STARD9: variants seen among roughly 807,000 people sequenced by gnomAD.
The protein encoded by STARD9 is stAR-related lipid transfer protein 9.
A neutral mutation model predicts 399.8 loss-of-function variants in STARD9; 346 were observed. The observed-to-expected ratio is 0.87, with a 90% confidence interval of 0.79 to 0.95. The LOEUF is 0.95. Among genes scored for constraint, STARD9 ranks in the 40% least tolerant of loss-of-function variants. The pLI, the probability that STARD9 is intolerant of heterozygous loss-of-function variation, is 0.00. For missense variants in STARD9, 5,832 were observed against 5,667.5 expected (o/e 1.03, Z -0.93); for synonymous variants, 2,203 against 2,143.5 (o/e 1.03, Z -0.77).
intron 7 of STARD9, among the ~76,000 whole-genome samples, chr15:42,648,818 C>A (rs376669081): frequency 1.3e-5 from 2 of 152,072 alleles, no homozygotes; most frequent in African/African-American, 4.8e-5. Context: ...ATTCTTTCCT[C>A]TTCTTTTGGG....
At chr15:42,626,323 C>CTT (rs2059213334) in intron 3 of STARD9, among the ~76,000 whole-genome samples, 3 of 96,902 alleles carry the variant, frequency 3.1e-5, no homozygotes, top group Non-Finnish European at 6.0e-5. Context: ...TCCTCTTCTT[C>CTT]CTCCTCTTCC....
chr15:42,693,993 C>T lies in STARD9; in HGVS notation c.12415C>T (p.His4139Tyr), dbSNP rs1226968293. 3.3e-6 allele frequency: 5 copies of T among 1,515,274 alleles called. No homozygotes were observed. In the African/African-American group the frequency reaches 5.5e-5, roughly 17 times the overall value. 93.9% of individuals were successfully genotyped at this position (1,515,274 alleles called of 1,614,324 possible). The change falls in exon 23 of 33, where the codon CAT becomes TAT. Residue 4139 changes from histidine (H) to tyrosine (Y), a missense_variant. By Grantham distance (83) the His-to-Tyr change is moderately conservative. Around this residue, in one of 2 missense-constraint regions of STARD9, gnomAD observed 5,828 missense variants for 5,651.1 expected, o/e 1.03. Coordinates refer to ENST00000290607, the MANE Select transcript of STARD9 (RefSeq NM_020759.3). The stretch of plus-strand genomic sequence containing the variant: ...CCACAGTCTGAGGGACCTCCCGGTG[C>T]ATAACAAATTTAGTAACTGGTGTGG... The part of the protein sequence containing the change: ...QHHSLRDLPV[H>Y]NKFSNWCGVQ...
At chr15:42,645,355 A>G (rs2059625294) in intron 7 of STARD9, among the ~76,000 whole-genome samples, 1 of 152,198 alleles carries the variant, frequency 6.6e-6, no homozygotes, top group African/African-American at 2.4e-5. Flanking sequence ...TGAAAAGAAC[A>G]TTAGCTTCTT....
chr15:42,604,351 C>T (rs916983022), intron 3 of STARD9, among the ~76,000 whole-genome samples: 1 of 152,004 alleles, frequency 6.6e-6, no homozygotes, highest in African/African-American at 2.4e-5. Flanking sequence ...ATTATTCTAC[C>T]TCGTTCATTC....
At position 42,662,871 on chromosome 15, in the gene STARD9, G is replaced by T; in HGVS notation, c.848G>T (p.Gly283Val). Residue 283 changes from glycine (G) to valine (V), a missense_variant, in exon 11 of 33, where the codon GGA (glycine) becomes GTA (valine). Gly to Val is a moderately radical substitution (Grantham distance 109, BLOSUM62 -3). This residue lies in a region of STARD9 where 5,828 missense variants were observed against 5,651.1 expected (regional missense o/e 1.03). Coordinates refer to ENST00000290607, the MANE Select transcript of STARD9 (RefSeq NM_020759.3). Reference protein sequence around the residue: ...ANINKSLVTLGIVISTLAQNS... With the variant: ...ANINKSLVTLVIVISTLAQNS... The stretch of plus-strand genomic sequence containing the variant: ...ATCAACAAGTCCCTTGTGACTCTAG[G>T]AATTGTCATCTCCACCTTAGGTATT... 1.3e-6 allele frequency: 2 copies of T among 1,536,788 alleles called. No homozygotes were observed. The highest frequency in any genetic ancestry group is 1.2e-5 in the South Asian group (1 of 84,022).
chr15:42,712,103 TAATATATAA>T lies in STARD9; in HGVS notation c.13285-4573_13285-4565del, dbSNP rs1566966177. On this transcript the variant is annotated intron_variant, in intron 26 of 32. Transcript: ENST00000290607. ...ATATTATATATATATATATAATATA[TAATATATAA>T]TATATAATATATATATAAATGTGCC... Among the ~76,000 whole-genome samples, 17 of 4,278 alleles carry T rather than the reference TAATATATAA, an allele frequency of 4.0e-3. 6 individuals are homozygous for T. Among genetic ancestry groups the T allele is most frequent in the African/African-American group, 6.2e-3 (4 of 642 alleles). The allele number at this position is 4,278 out of a possible 152,430, so 2.8% of individuals were successfully genotyped here. A position where few individuals can be genotyped will look rare whatever the true frequency, so the allele number is the denominator to read the frequency against.
chr15:42,593,157 C>T (rs151156102), intron 3 of STARD9, among the ~76,000 whole-genome samples: 35 of 152,268 alleles, frequency 2.3e-4, no homozygotes, highest in African/African-American at 8.4e-4. Flanking sequence ...AAGCAAGGCT[C>T]ATGATATTTT....
chr15:42,664,790 AC>A (rs35394734), intron 13 of STARD9, among the ~76,000 whole-genome samples: 1 of 56,102 alleles, frequency 1.8e-5, no homozygotes, highest in African/African-American at 2.6e-4. Context: ...TTATCCTTTA[AC>A]ACACACACAC....
At position 42,677,052 on chromosome 15, in the gene STARD9, A is replaced by T. The variant is rs535969424; in HGVS notation, c.1874+1077A>T. The stretch of plus-strand genomic sequence containing the variant: ...TGGATCACAAGGTTAGGAGATCAAG[A>T]CCATCCTGGCTAACATGGTGAAACC... On this transcript the variant is annotated intron_variant, in intron 20 of 32. Transcript: ENST00000290607. Among the ~76,000 whole-genome samples the T allele has an allele frequency of 6.2e-5, 9 of 146,070 alleles. No homozygotes were observed. The South Asian group carries it at 2.1e-3, about 34-fold the overall frequency.
chr15:42,593,654 CTTTTT>C (rs71108170), intron 3 of STARD9, among the ~76,000 whole-genome samples: 4 of 66,888 alleles, frequency 6.0e-5, no homozygotes, highest in Admixed American at 2.4e-4. Context: ...GGTTGTGCTT[CTTTTT>C]TTTTTTTTTT....
chr15:42,679,926 A>G (rs1158235718), intron 20 of STARD9, among the ~76,000 whole-genome samples: 1 of 152,180 alleles, frequency 6.6e-6, no homozygotes, highest in Non-Finnish European at 1.5e-5. Context: ...CTTACAGCGT[A>G]TGGGTCATAC....
Position 42,686,893 on chromosome 15 carries a change from C to T in STARD9, c.5315C>T (p.Pro1772Leu). The T allele has an allele frequency of 2.0e-6, 3 of 1,536,814 alleles. No homozygotes were observed. The highest frequency in any genetic ancestry group is 2.6e-6 in the Non-Finnish European group (3 of 1,146,862). The change falls in exon 23 of 33, where the codon CCC (proline) becomes CTC (leucine). Residue 1772 changes from proline to leucine, a missense_variant. Around this residue, in one of 2 missense-constraint regions of STARD9, gnomAD observed 5,828 missense variants for 5,651.1 expected, o/e 1.03. Transcript: ENST00000290607. ...EIPACREVRV[P>L]SPPPREAWGF... ...CCAGCTTGCAGAGAAGTAAGGGTAC[C>T]CTCCCCACCCCCCAGGGAAGCCTGG...
At chr15:42,656,851 T>C (rs2142010897) in intron 9 of STARD9, among the ~76,000 whole-genome samples, 1 of 152,184 alleles carries the variant, frequency 6.6e-6, no homozygotes, top group Non-Finnish European at 1.5e-5. Context: ...GAATGAACTT[T>C]GGGGACTTGT....
intron 3 of STARD9, among the ~76,000 whole-genome samples, chr15:42,613,341 C>T (rs903352363): frequency 6.6e-6 from 1 of 152,138 alleles, no homozygotes. Flanking sequence ...AAAAGAGTAG[C>T]ATTTAGCAAA....
intron 29 of STARD9, 45 bp downstream of exon 29, chr15:42,717,840 C>T (rs1174940984): frequency 6.6e-7 from 1 of 1,523,552 alleles, no homozygotes; most frequent in Admixed American, 2.0e-5. Context: ...TCTTGGTAAG[C>T]TTGTCACCCT....
intron 20 of STARD9, among the ~76,000 whole-genome samples, chr15:42,677,950 C>G (rs2060345385): frequency 6.6e-6 from 1 of 152,222 alleles, no homozygotes; most frequent in Non-Finnish European, 1.5e-5. Flanking sequence ...CTATGGCTCT[C>G]TAGCCCCACA....
Position 42,625,496 on chromosome 15 carries a change from A to G in STARD9, c.235-9360A>G, listed in dbSNP as rs1177065996. Among the ~76,000 whole-genome samples, 4 of 149,992 alleles carry G rather than the reference A, an allele frequency of 2.7e-5. No homozygotes were observed. In the East Asian group the frequency reaches 7.9e-4, roughly 30 times the overall value. ...CAGACACACGCCACCACTCCCGGCT[A>G]ATTTTTATATTTTAGTAGAGATGGG... is the stretch of plus-strand genomic sequence containing the variant. On this transcript the variant is annotated intron_variant, in intron 3 of 32. Coordinates refer to ENST00000290607, the MANE Select transcript of STARD9 (RefSeq NM_020759.3).
Position 42,689,001 on chromosome 15 carries a change from A to G in STARD9, c.7423A>G (p.Arg2475Gly). ...EAEVAVQKEI[R>G]VSSLNKVSSQ... Reference sequence around the variant, plus strand: ...CGAGGTGGCTGTACAAAAAGAAATAAGAGTCAGTTCACTGAACAAGGTCTC... The same window carrying G: ...CGAGGTGGCTGTACAAAAAGAAATAGGAGTCAGTTCACTGAACAAGGTCTC... The change falls in exon 23 of 33, where the codon AGA becomes GGA. Residue 2475 changes from arginine (R) to glycine (G), a missense_variant. By Grantham distance (125) the Arg-to-Gly change is moderately radical. Around this residue, in one of 2 missense-constraint regions of STARD9, gnomAD observed 5,828 missense variants for 5,651.1 expected, o/e 1.03. Coordinates refer to ENST00000290607, the MANE Select transcript of STARD9 (RefSeq NM_020759.3). 6.5e-7 allele frequency: 1 copy of G among 1,537,344 alleles called. No homozygotes were observed. The highest frequency in any genetic ancestry group is 8.7e-7 in the Non-Finnish European group (1 of 1,146,916).
In STARD9 at chr15:42,676,540, C is replaced by G. The variant is rs2060315715; in HGVS notation, c.1874+565C>G. Reference sequence around the variant, plus strand: ...TGAAAATATCTTTTGGTTCTACCCTCTCATACCCACTTTGCCTGCATTGTA... The same window carrying G: ...TGAAAATATCTTTTGGTTCTACCCTGTCATACCCACTTTGCCTGCATTGTA... On this transcript the variant is annotated intron_variant, in intron 20 of 32. Coordinates refer to ENST00000290607, the MANE Select transcript of STARD9 (RefSeq NM_020759.3). Among the ~76,000 whole-genome samples the G allele has an allele frequency of 2.0e-5, 3 of 152,190 alleles. 1 individual carries two copies. The South Asian group carries it at 6.2e-4, about 32-fold the overall frequency.
Sources: gnomAD v4.1 joint callset for allele counts (sites outside exome capture counted in the v4.1 genomes callset) on GRCh38, gnomAD v4.1.1 for gene constraint, gnomAD v4.1.1 regional missense constraint, MANE v1.5 for transcripts, NCBI Gene and HGNC (gene_info 2026-07-23, HGNC 2026-07-21) for gene names.